Variants in FAM32A observed in about 807,000 individuals in gnomAD.
FAM32A encodes protein FAM32A.
In FAM32A, 9 loss-of-function variants were observed where a neutral mutation model predicts 15.8. That is an observed-to-expected ratio of 0.57 (90% confidence interval 0.34 to 1.00). The LOEUF (loss-of-function observed/expected upper bound fraction) is 1.00. Among genes scored for constraint, FAM32A ranks in the 50% least tolerant of loss-of-function variants. The pLI, the probability that FAM32A is intolerant of heterozygous loss-of-function variation, is 0.02. For missense variants in FAM32A, 113 were observed against 138.3 expected, an observed-to-expected ratio of 0.82 and a Z score of 0.92; for synonymous variants, 64 against 54.9, an observed-to-expected ratio of 1.16 and a Z score of -0.73.
At chr19:16,190,392 C>T (rs1469889898) in intron 2 of FAM32A, 128 bp from the exon 3 acceptor site, 1 of 635,580 alleles carries the variant, frequency 1.6e-6, no homozygotes, top group Non-Finnish European at 2.9e-6. Flanking sequence ...GGGGACAAGG[C>T]ACAGAGCCTG....
intron 2 of FAM32A, among the ~76,000 whole-genome samples, chr19:16,188,603 A>G (rs957353088): frequency 2.0e-5 from 3 of 152,244 alleles, no homozygotes; most frequent in African/African-American, 7.2e-5. Flanking sequence ...CTAAAATAGT[A>G]GCTGGGTGTC....
Position 16,191,586 on chromosome 19 carries a change from A to AC in FAM32A, c.*637dup. 1 of 152,788 alleles carries AC rather than the reference A, an allele frequency of 6.5e-6. No individual in the cohort carries two copies. The highest frequency in any genetic ancestry group is 1.5e-5 in the Non-Finnish European group (1 of 68,508). 9.5% of individuals were successfully genotyped at this position (152,788 alleles called of 1,614,324 possible). On this transcript the variant is annotated 3_prime_UTR_variant, in exon 4 of 4. Coordinates refer to ENST00000263384, the MANE Select transcript of FAM32A (RefSeq NM_014077.4). ...CTCCTTTCTGAGCCCGTTTCCCAAA[A>AC]CCCCCCTTCCAGGTGCTTCTAATGG...
rs897709444 is a variant in FAM32A at position 16,187,747 on chromosome 19, G to A, written c.216+1982G>A. Reference sequence around the variant, plus strand: ...ATTACAGGCGTGAGCCACCACGCCCGGCCTTTTTTTAATTTTTTGAAAAAG... The same window carrying A: ...ATTACAGGCGTGAGCCACCACGCCCAGCCTTTTTTTAATTTTTTGAAAAAG... On this transcript the variant is annotated intron_variant, in intron 2 of 3. Coordinates refer to ENST00000263384, the MANE Select transcript of FAM32A (RefSeq NM_014077.4). 5.3e-5 allele frequency among the ~76,000 whole-genome samples: 8 copies of A among 151,086 alleles called. 1 individual carries two copies. The South Asian group carries it at 1.7e-3, about 32-fold the overall frequency.
rs1473754813 is a variant in FAM32A at position 16,185,431 on chromosome 19, C to G, written c.-12C>G. 6 of 1,554,670 alleles carry G rather than the reference C, an allele frequency of 3.9e-6. No individual in the cohort carries two copies. The highest frequency in any genetic ancestry group is 4.8e-5 in the East Asian group (2 of 41,242). On this transcript the variant is annotated 5_prime_UTR_variant, in exon 1 of 4. Transcript: ENST00000263384. ...GTGTGGCACTCCAGCTACCGAAGCA[C>G]TGGAGAGTGTCATGGAGGCCTACGA... is the stretch of plus-strand genomic sequence containing the variant.
chr19:16,185,969 G>T (rs1027021101), intron 2 of FAM32A, among the ~76,000 whole-genome samples: 1 of 152,218 alleles, frequency 6.6e-6, no homozygotes, highest in Non-Finnish European at 1.5e-5. Context: ...GCTGGCCCGA[G>T]TGGGCAGCAG....
At chr19:16,188,191 C>T (rs1013764667) in intron 2 of FAM32A, among the ~76,000 whole-genome samples, 2 of 152,104 alleles carry the variant, frequency 1.3e-5, no homozygotes, top group East Asian at 1.9e-4. Context: ...GTAGAGCAGT[C>T]GTGATGGAGC....
rs2091408695 is a variant in FAM32A at position 16,191,883 on chromosome 19, C to T, written c.*928C>T. ...TTGGAGGGCTGGGATCTTGTAGGGCCTGTGCGTCCTGGCTGAGGATCAAAC... is the reference window on the plus strand; with the variant it reads ...TTGGAGGGCTGGGATCTTGTAGGGCTTGTGCGTCCTGGCTGAGGATCAAAC... On this transcript the variant is annotated 3_prime_UTR_variant, in exon 4 of 4. Transcript: ENST00000263384. 6.6e-6 allele frequency: 1 copy of T among 152,246 alleles called. No individual in the cohort carries two copies. The highest frequency in any genetic ancestry group is 6.5e-5 in the Admixed American group (1 of 15,276). 9.4% of individuals were successfully genotyped at this position (152,246 alleles called of 1,614,324 possible).
Position 16,191,036 on chromosome 19 carries a change from C to G in FAM32A, c.*81C>G, listed in dbSNP as rs1200826945. ...TTGTGTGTGTTTCCTTTGGTATATT[C>G]TGGAAACATGGCTACACACACCCTT... On this transcript the variant is annotated 3_prime_UTR_variant, in exon 4 of 4. Coordinates refer to ENST00000263384, the MANE Select transcript of FAM32A (RefSeq NM_014077.4). 1.8e-6 allele frequency: 2 copies of G among 1,093,142 alleles called. No homozygotes were observed. The highest frequency in any genetic ancestry group is 2.8e-6 in the Non-Finnish European group (2 of 710,574). 67.7% of individuals were successfully genotyped at this position (1,093,142 alleles called of 1,614,324 possible). A position where few individuals can be genotyped will look rare whatever the true frequency, so the allele number is the denominator to read the frequency against.
intron 2 of FAM32A, chr19:16,187,214 G>C (rs2091389358): frequency 6.6e-6 from 1 of 152,088 alleles, no homozygotes; most frequent in Non-Finnish European, 1.5e-5. Context: ...GTTGTGGTAA[G>C]GATTTAACAA....
At chr19:16,188,568 T>C (rs893356875) in intron 2 of FAM32A, among the ~76,000 whole-genome samples, 1 of 152,208 alleles carries the variant, frequency 6.6e-6, no homozygotes, top group Non-Finnish European at 1.5e-5. Context: ...CTGGGCAACA[T>C]AGCGATACCC....
At chr19:16,189,489 G>A (rs1270422847) in intron 2 of FAM32A, 3 of 152,004 alleles carry the variant, frequency 2.0e-5, no homozygotes, top group Non-Finnish European at 2.9e-5. Flanking sequence ...GTGTTCCTTC[G>A]AGTTAACTGA....
intron 2 of FAM32A, among the ~76,000 whole-genome samples, chr19:16,188,025 C>T (rs1204597513): frequency 2.0e-5 from 3 of 152,210 alleles, no homozygotes; most frequent in Non-Finnish European, 4.4e-5. Context: ...GGATTACAGG[C>T]GTGAACCACC....
rs867059730 is a variant in FAM32A, at chr19:16,185,488, G to T, written c.46G>T (p.Gly16Cys). Residue 16 changes from glycine (G) to cysteine (C), a missense_variant, in exon 1 of 4, where the codon GGC becomes TGC. Coordinates refer to ENST00000263384, the MANE Select transcript of FAM32A (RefSeq NM_014077.4). Reference protein sequence around the residue: ...QVQKGPLKLKGVAELGVTKRK... With the variant: ...QVQKGPLKLKCVAELGVTKRK... Reference sequence around the variant, plus strand: ...CCAAAAGGGACCCCTGAAGCTGAAAGGCGTCGCAGAGCTGGGAGTGACCAA... The same window carrying T: ...CCAAAAGGGACCCCTGAAGCTGAAATGCGTCGCAGAGCTGGGAGTGACCAA... The T allele has an allele frequency of 6.4e-7, 1 of 1,564,638 alleles. No individual in the cohort carries two copies. Among genetic ancestry groups the T allele is most frequent in the African/African-American group, 1.4e-5 (1 of 73,864 alleles).
Position 16,191,267 on chromosome 19 carries a change from T to G in FAM32A, c.*312T>G. On this transcript the variant is annotated 3_prime_UTR_variant, in exon 4 of 4. Transcript: ENST00000263384. ...CATGTAAAAATGTTTTCACCCGAGT[T>G]GCATGTAACGCTCTGAGGCCAGCCA... The G allele has an allele frequency of 2.8e-6, 1 of 362,238 alleles. No individual in the cohort carries two copies. 22.4% of individuals were successfully genotyped at this position (362,238 alleles called of 1,614,324 possible).
At position 16,185,432 on chromosome 19, in the gene FAM32A, T is replaced by G. The variant is rs749198924; in HGVS notation, c.-11T>G. ...TGTGGCACTCCAGCTACCGAAGCAC[T>G]GGAGAGTGTCATGGAGGCCTACGAG... On this transcript the variant is annotated 5_prime_UTR_variant, in exon 1 of 4. Coordinates refer to ENST00000263384, the MANE Select transcript of FAM32A (RefSeq NM_014077.4). 5.8e-6 allele frequency: 9 copies of G among 1,554,722 alleles called. No homozygotes were observed. Among genetic ancestry groups the G allele is most frequent in the Non-Finnish European group, 7.8e-6 (9 of 1,148,626 alleles).
intron 2 of FAM32A, 63 bp downstream of exon 2, chr19:16,185,828 GGGTC>G (rs900395660): frequency 6.6e-7 from 1 of 1,524,714 alleles, no homozygotes; most frequent in Non-Finnish European, 8.8e-7. Context: ...CTGGAAATTG[GGGTC>G]AGGGCTGGGA....
At chr19:16,190,633 G>C in intron 3 of FAM32A, 60 bp downstream of exon 3, 1 of 1,350,918 alleles carries the variant, frequency 7.4e-7, no homozygotes, top group Admixed American at 1.7e-5. Flanking sequence ...TGGGCCCAGA[G>C]GCTATCAGCT....
intron 3 of FAM32A, 100 bp downstream of exon 3, chr19:16,190,673 G>A (rs2091402503): frequency 9.9e-7 from 1 of 1,008,760 alleles, no homozygotes; most frequent in Non-Finnish European, 1.6e-6. Context: ...ATGTTGACGA[G>A]AAGGGAAGTT....
Position 16,185,448 on chromosome 19 carries a change from G to C in FAM32A, c.6G>C (p.Glu2Asp), listed in dbSNP as rs2091380778. Reference sequence around the variant, plus strand: ...CCGAAGCACTGGAGAGTGTCATGGAGGCCTACGAGCAGGTCCAAAAGGGAC... The same window carrying C: ...CCGAAGCACTGGAGAGTGTCATGGACGCCTACGAGCAGGTCCAAAAGGGAC... Reference protein sequence around the residue: MEAYEQVQKGPL... With the variant: MDAYEQVQKGPL... Residue 2 changes from glutamate (E) to aspartate (D), a missense_variant, in exon 1 of 4, where the codon GAG (glutamate) becomes GAC (aspartate). Glu to Asp is a conservative substitution (Grantham distance 45). Around this residue, in one of 2 missense-constraint regions of FAM32A, gnomAD observed 112 missense variants for 118.6 expected, o/e 0.94. Transcript: ENST00000263384. 6.4e-7 allele frequency: 1 copy of C among 1,557,528 alleles called. No individual in the cohort carries two copies. Among genetic ancestry groups the C allele is most frequent in the Non-Finnish European group, 8.7e-7 (1 of 1,150,204 alleles).
Sources: allele counts gnomAD v4.1 joint callset (sites outside exome capture counted in the v4.1 genomes callset), GRCh38; gene constraint gnomAD v4.1.1; regional missense constraint gnomAD v4.1.1; transcripts MANE v1.5; gene names NCBI Gene and HGNC (gene_info 2026-07-23, HGNC 2026-07-21).